The following PREX1 variants were observed in gnomAD, a reference collection of about 807,000 sequenced individuals.
PREX1 encodes phosphatidylinositol-3,4,5-trisphosphate dependent Rac exchange factor 1, also known as phosphatidylinositol 3,4,5-trisphosphate-dependent Rac exchanger 1 protein.
Under a neutral mutation model 198.3 loss-of-function variants are expected in PREX1, and 41 were observed. The observed-to-expected ratio is 0.21, with a 90% CI of 0.16 to 0.27. PREX1 has a LOEUF of 0.27. Among genes scored for constraint, PREX1 ranks in the 10% least tolerant of loss-of-function variants. The pLI is 1.00. For missense variants in PREX1, 1,620 were observed against 2,200.7 expected (o/e 0.74, Z 5.28); for synonymous variants, 843 against 887.2 (o/e 0.95, Z 0.89).
chr20:48,846,404 G>A, the PREX1 span, among the ~76,000 whole-genome samples: 1 of 152,142 alleles, frequency 6.6e-6, no homozygotes, highest in Non-Finnish European at 1.5e-5. Context: ...TTCTGGCTTG[G>A]TGGTCTCCCA....
At chr20:48,795,586 G>T in intron 1 of PREX1, among the ~76,000 whole-genome samples, 1 of 152,102 alleles carries the variant, frequency 6.6e-6, no homozygotes, top group African/African-American at 2.4e-5. Flanking sequence ...CACTAGAGCT[G>T]AGGCTGAGAA....
At chr20:48,735,622 T>C (rs535557239) in intron 3 of PREX1, among the ~76,000 whole-genome samples, 132 of 151,202 alleles carry the variant, frequency 8.7e-4, no homozygotes, top group African/African-American at 3.1e-3. Flanking sequence ...CAGCATGTAG[T>C]ACAGGCTGCC....
chr20:48,862,291 A>C, the PREX1 span, among the ~76,000 whole-genome samples: 1 of 152,246 alleles, frequency 6.6e-6, no homozygotes, highest in Non-Finnish European at 1.5e-5. Flanking sequence ...CAACCCAGAC[A>C]GGAAAGACAG....
At chr20:48,775,333 C>T (rs144755494) in intron 1 of PREX1, among the ~76,000 whole-genome samples, 66 of 151,986 alleles carry the variant, frequency 4.3e-4, no homozygotes, top group Middle Eastern at 3.4e-3. Flanking sequence ...AGCAAGGAGA[C>T]GGGTGCTTTT....
chr20:48,698,975 G>A (rs1211423031), intron 7 of PREX1, among the ~76,000 whole-genome samples: 14 of 152,148 alleles, frequency 9.2e-5, no homozygotes, highest in Admixed American at 1.3e-4. Flanking sequence ...ATCCAATGGC[G>A]GGCCTAGCTC....
At chr20:48,664,422 C>CG (rs2089620897) in intron 15 of PREX1, among the ~76,000 whole-genome samples, 2 of 150,440 alleles carry the variant, frequency 1.3e-5, no homozygotes, top group South Asian at 4.2e-4. Flanking sequence ...AGAGTGATGA[C>CG]GGGGAGGAGC....
chr20:48,688,652 C>T lies in PREX1; in HGVS notation c.1334+5G>A. The T allele has an allele frequency of 6.2e-7, 1 of 1,614,108 alleles. No homozygotes were observed. Among genetic ancestry groups the T allele is most frequent in the Non-Finnish European group, 8.5e-7 (1 of 1,179,982 alleles). ...ACCCAGGGAGTTCAGAGTGAGGCTACTCACTTGCCAAGAAAGCACTTGGGG... is the reference window on the plus strand; with the variant it reads ...ACCCAGGGAGTTCAGAGTGAGGCTATTCACTTGCCAAGAAAGCACTTGGGG... On this transcript the variant is annotated splice_donor_5th_base_variant and intron_variant, in intron 10 of 39. Transcript: ENST00000371941.
chr20:48,735,197 C>T (rs936823495), intron 3 of PREX1, among the ~76,000 whole-genome samples: 6 of 152,166 alleles, frequency 3.9e-5, no homozygotes, highest in African/African-American at 1.4e-4. Context: ...AGGAAGCTCT[C>T]AACTGAGCAT....
chr20:48,663,905 TGC>T (rs750990447), intron 15 of PREX1, among the ~76,000 whole-genome samples: 1 of 142,924 alleles, frequency 7.0e-6, no homozygotes, highest in Non-Finnish European at 1.5e-5. Flanking sequence ...CAAGTGTGAG[TGC>T]GCGCACACAC....
In PREX1 at chr20:48,634,144, G is replaced by GTGGATGGA. The variant is rs985132974; in HGVS notation, c.4267+524_4267+531dup. 7.5e-5 allele frequency among the ~76,000 whole-genome samples: 9 copies of GTGGATGGA among 120,278 alleles called. No individual in the cohort carries two copies. The East Asian group carries it at 1.2e-3, about 16-fold the overall frequency. 78.9% of individuals were successfully genotyped at this position (120,278 alleles called of 152,430 possible). A position where few individuals can be genotyped will look rare whatever the true frequency, so the allele number is the denominator to read the frequency against. ...GATGGATGCATGGACACATGGGTGG[G>GTGGATGGA]TGGATGGATGGATGGATGGATGGAT... On this transcript the variant is annotated intron_variant, in intron 33 of 39. Transcript: ENST00000371941.
At chr20:48,671,943 C>T (rs924311686) in intron 14 of PREX1, among the ~76,000 whole-genome samples, 1 of 152,236 alleles carries the variant, frequency 6.6e-6, no homozygotes, top group African/African-American at 2.4e-5. Context: ...TGCTCGACAT[C>T]CTCCCCGTCT....
chr20:48,741,614 G>T (rs1013990272), intron 3 of PREX1, among the ~76,000 whole-genome samples: 1 of 152,210 alleles, frequency 6.6e-6, no homozygotes, highest in Non-Finnish European at 1.5e-5. Flanking sequence ...GGGAGAGACA[G>T]ACAATAAGCA....
At chr20:48,876,961 AG>A in the PREX1 span, among the ~76,000 whole-genome samples, 1 of 152,124 alleles carries the variant, frequency 6.6e-6, no homozygotes. Context: ...CAGCTCAAAA[AG>A]GCTTCATTGA....
intron 6 of PREX1, among the ~76,000 whole-genome samples, chr20:48,703,078 T>C (rs988145238): frequency 1.3e-5 from 2 of 152,232 alleles, no homozygotes; most frequent in African/African-American, 4.8e-5. Context: ...CACTGGGACC[T>C]GCTGACTGAA....
rs139737871 is a variant in PREX1 at position 48,657,363 on chromosome 20, T to C, written c.1975-175A>G. 1.2e-3 allele frequency among the ~76,000 whole-genome samples: 179 copies of C among 152,314 alleles called. 3 individuals are homozygous for C. The South Asian group carries it at 0.016, about 14-fold the overall frequency. ...TTGAGGGGCACAAGGGACCTGGTTC[T>C]GCCTCATGAGCCACAAAGGGAAGCT... On this transcript the variant is annotated intron_variant, in intron 17 of 39. Transcript: ENST00000371941.
At chr20:48,706,904 G>A (rs2089906139) in intron 6 of PREX1, among the ~76,000 whole-genome samples, 1 of 152,124 alleles carries the variant, frequency 6.6e-6, no homozygotes, top group South Asian at 2.1e-4. Context: ...CACCCACCAG[G>A]GGAGCCACTG....
intron 1 of PREX1, among the ~76,000 whole-genome samples, chr20:48,813,837 TCATTTTAC>T (rs2090447411): frequency 6.6e-6 from 1 of 152,194 alleles, no homozygotes; most frequent in Non-Finnish European, 1.5e-5. Context: ...ACACAAAATA[TCATTTTAC>T]CATACTGGGT....
At chr20:48,833,633 G>T in the PREX1 span, among the ~76,000 whole-genome samples, 64 of 152,050 alleles carry the variant, frequency 4.2e-4, 1 homozygote, top group Non-Finnish European at 8.1e-4. Context: ...GTAGAGACAA[G>T]ATTTCACCAT....
chr20:48,733,408 A>G (rs2090043141), intron 4 of PREX1, among the ~76,000 whole-genome samples: 1 of 152,194 alleles, frequency 6.6e-6, no homozygotes, highest in Admixed American at 6.5e-5. Context: ...GTTCAGGGAT[A>G]AGGTTTTGAG....
Sources: allele counts gnomAD v4.1 joint callset (sites outside exome capture counted in the v4.1 genomes callset), GRCh38; gene constraint gnomAD v4.1.1; transcripts MANE v1.5; gene names NCBI Gene and HGNC (gene_info 2026-07-23, HGNC 2026-07-21).